The following ESRRG variants were observed in gnomAD, a reference collection of about 807,000 sequenced individuals.
ESRRG encodes the protein estrogen related receptor gamma, also known as estrogen-related receptor gamma.
Under a neutral mutation model 44.0 loss-of-function variants are expected in ESRRG, and 13 were observed. The observed-to-expected ratio is 0.30, with a 90% CI of 0.19 to 0.47. The LOEUF (loss-of-function observed/expected upper bound fraction) is 0.47, where lower values mean the gene tolerates loss of function less well. ESRRG is among the 20% of genes least tolerant of loss of function. ESRRG has a pLI of 1.00. For missense variants in ESRRG, 395 were observed against 580.6 expected (o/e 0.68, Z 3.29); for synonymous variants, 215 against 214.6 (o/e 1.00, Z -0.02).
intron 2 of ESRRG, among the ~76,000 whole-genome samples, chr1:216,783,088 G>A (rs766618088): frequency 6.6e-6 from 1 of 151,784 alleles, no homozygotes; most frequent in African/African-American, 2.4e-5. Flanking sequence ...GGGGCATATC[G>A]GAATCTCACG....
At chr1:216,753,937 G>A (rs979332336) in intron 2 of ESRRG, among the ~76,000 whole-genome samples, 3 of 151,982 alleles carry the variant, frequency 2.0e-5, no homozygotes, top group African/African-American at 7.2e-5. Flanking sequence ...GCAACATAAA[G>A]TTGGACTTCC....
chr1:216,551,533 A>C (rs896809737), intron 5 of ESRRG, among the ~76,000 whole-genome samples: 1 of 152,168 alleles, frequency 6.6e-6, no homozygotes, highest in Admixed American at 6.6e-5. Context: ...TCTAACTATA[A>C]AAAATTGCCT....
intron 2 of ESRRG, among the ~76,000 whole-genome samples, chr1:216,841,937 CCA>C (rs1029416233): frequency 6.6e-6 from 1 of 151,850 alleles, no homozygotes; most frequent in Non-Finnish European, 1.5e-5. Flanking sequence ...ATAATCAGGT[CCA>C]GTTTTCATAT....
At chr1:216,560,846 A>C (rs2058591193) in intron 5 of ESRRG, among the ~76,000 whole-genome samples, 1 of 152,224 alleles carries the variant, frequency 6.6e-6, no homozygotes, top group Non-Finnish European at 1.5e-5. Context: ...GACGAAATTG[A>C]AAGAGAAATA....
chr1:217,037,591 C>A (rs114137401), intron 1 of ESRRG, among the ~76,000 whole-genome samples: 3,808 of 152,128 alleles, frequency 0.025, 168 homozygotes, highest in African/African-American at 0.087. Context: ...GGGGACACAG[C>A]CAAGTCACAT....
At chr1:217,007,019 T>A (rs12401530) in intron 1 of ESRRG, among the ~76,000 whole-genome samples, 19,077 of 152,164 alleles carry the variant, frequency 0.13, 2,014 homozygotes, top group African/African-American at 0.29. Flanking sequence ...AAAAACTATT[T>A]TAATTCTATG....
In ESRRG at chr1:216,881,189, AT is replaced by A. The variant is rs1374672564; in HGVS notation, c.-14+58392del. 7.9e-5 allele frequency among the ~76,000 whole-genome samples: 12 copies of A among 152,096 alleles called. No homozygotes were observed. The South Asian group carries it at 1.0e-3, about 13-fold the overall frequency. On this transcript the variant is annotated intron_variant, in intron 2 of 7. Transcript: ENST00000359162. ...GAACCAGTTCCTAAATAAACCCTCA[AT>A]TTTTTTTCAACATATTCCATAATTT...
chr1:217,034,681 A>G (rs2082575147), intron 1 of ESRRG, among the ~76,000 whole-genome samples: 1 of 152,160 alleles, frequency 6.6e-6, no homozygotes, highest in Admixed American at 6.5e-5. Context: ...ATAGGAGCAA[A>G]CCCAAAGCAT....
chr1:216,615,104 T>C (rs931970299), intron 3 of ESRRG, among the ~76,000 whole-genome samples: 1 of 152,212 alleles, frequency 6.6e-6, no homozygotes, highest in Non-Finnish European at 1.5e-5. Context: ...GATTCTCTTA[T>C]GCCTCCACTC....
intron 2 of ESRRG, among the ~76,000 whole-genome samples, chr1:216,837,401 A>G (rs2095583573): frequency 8.9e-6 from 1 of 111,918 alleles, no homozygotes. Context: ...ACACAGCAAG[A>G]CTCCGTATCA....
chr1:216,515,259 A>G (rs1405267813), intron 6 of ESRRG, among the ~76,000 whole-genome samples: 2 of 152,004 alleles, frequency 1.3e-5, no homozygotes, highest in African/African-American at 4.8e-5. Context: ...GGATGTGTGT[A>G]CACGTATGTA....
At chr1:216,785,484 T>A (rs561478736) in intron 2 of ESRRG, among the ~76,000 whole-genome samples, 124 of 152,056 alleles carry the variant, frequency 8.2e-4, no homozygotes, top group Admixed American at 4.6e-4. Context: ...GGCCTGTACC[T>A]CATACAGCAA....
chr1:217,115,719 C>T (rs1260375918), intron 1 of ESRRG, among the ~76,000 whole-genome samples: 2 of 152,132 alleles, frequency 1.3e-5, no homozygotes, highest in Non-Finnish European at 2.9e-5. Flanking sequence ...ATTTCACCCT[C>T]CCATGTTGTC....
intron 1 of ESRRG, among the ~76,000 whole-genome samples, chr1:217,076,494 A>T (rs904540213): frequency 6.6e-6 from 1 of 152,218 alleles, no homozygotes; most frequent in Non-Finnish European, 1.5e-5. Context: ...CTACCAGAGA[A>T]ATGCAAATAT....
upstream of ESRRG, among the ~76,000 whole-genome samples, chr1:216,725,183 T>G (rs1174876764): frequency 2.6e-5 from 4 of 152,110 alleles, no homozygotes; most frequent in Non-Finnish European, 5.9e-5. Context: ...TTTAGCTATA[T>G]CTAAGATATA....
At chr1:216,757,384 C>T (rs532550217) in intron 2 of ESRRG, among the ~76,000 whole-genome samples, 6 of 152,138 alleles carry the variant, frequency 3.9e-5, no homozygotes, top group Non-Finnish European at 7.4e-5. Flanking sequence ...TGTTTCAAAA[C>T]AAACCATCTC....
At chr1:216,593,531 T>C (rs546969985) in intron 3 of ESRRG, among the ~76,000 whole-genome samples, 1 of 152,328 alleles carries the variant, frequency 6.6e-6, no homozygotes, top group African/African-American at 2.4e-5. Flanking sequence ...AACAGCCAAT[T>C]GTAAATAACT....
intron 5 of ESRRG, among the ~76,000 whole-genome samples, chr1:216,530,498 C>T (rs6679193): frequency 0.3 from 45,228 of 151,926 alleles, 7,150 homozygotes; most frequent in Non-Finnish European, 0.35. Flanking sequence ...GGCTTTAAGG[C>T]TCAGGGTATC....
intron 2 of ESRRG, among the ~76,000 whole-genome samples, chr1:216,773,203 T>A (rs1279563743): frequency 6.6e-6 from 1 of 152,042 alleles, no homozygotes; most frequent in Non-Finnish European, 1.5e-5. Context: ...AAAGATAGCG[T>A]AAATTGTGTT....
Sources: gnomAD v4.1 joint callset for allele counts (sites outside exome capture counted in the v4.1 genomes callset) on GRCh38, gnomAD v4.1.1 for gene constraint, MANE v1.5 for transcripts, NCBI Gene and HGNC (gene_info 2026-07-23, HGNC 2026-07-21) for gene names.